The following ACVR2A variants were observed in gnomAD, a reference collection of about 807,000 sequenced individuals.
ACVR2A encodes the protein activin A receptor type 2A.
Under a neutral mutation model 61.4 loss-of-function variants are expected in ACVR2A, and 7 were observed. That is an observed-to-expected ratio of 0.11 (90% confidence interval 0.06 to 0.21). ACVR2A has a LOEUF of 0.21. ACVR2A is among the 10% of genes least tolerant of loss of function. The pLI is 1.00. For synonymous variants in ACVR2A, 193 were observed against 208.3 expected (o/e 0.93, Z 0.63); for missense variants, 322 against 621.7 (o/e 0.52, Z 5.13).
intron 1 of ACVR2A, chr2:147,877,417 G>A (rs1375492563): frequency 6.6e-6 from 1 of 152,068 alleles, no homozygotes; most frequent in Non-Finnish European, 1.5e-5. Flanking sequence ...TAAAACATAA[G>A]CAAGGTGCTT....
chr2:147,877,153 C>T (rs530155356), intron 1 of ACVR2A, among the ~76,000 whole-genome samples: 1 of 152,174 alleles, frequency 6.6e-6, no homozygotes, highest in East Asian at 1.9e-4. Flanking sequence ...GAGAAAAGTG[C>T]CCTATTATTT....
chr2:147,900,674 G>A (rs915106083), intron 4 of ACVR2A: 1 of 151,924 alleles, frequency 6.6e-6, no homozygotes, highest in Non-Finnish European at 1.5e-5. Flanking sequence ...GTATTCTACA[G>A]GTCTACGAAA....
At chr2:147,913,822 C>CAAA (rs575237522) in intron 4 of ACVR2A, among the ~76,000 whole-genome samples, 4 of 61,798 alleles carry the variant, frequency 6.5e-5, no homozygotes, top group African/African-American at 8.0e-5. Context: ...AACTTGTAGA[C>CAAA]AAAAAAAAAA....
In ACVR2A at chr2:147,927,375, A is replaced by G. The variant is rs939919235; in HGVS notation, c.*101A>G. 1.9e-5 allele frequency: 22 copies of G among 1,151,848 alleles called. No individual in the cohort carries two copies. The African/African-American group carries it at 3.4e-4, about 18-fold the overall frequency. The allele number at this position is 1,151,848 out of a possible 1,614,324, so 71.4% of individuals were successfully genotyped here. ...TTATTTTCTGTGTAAAATGAGTAGGATGTCTCTTGGAAATGTTAAGAAAGA... is the reference window on the plus strand; with the variant it reads ...TTATTTTCTGTGTAAAATGAGTAGGGTGTCTCTTGGAAATGTTAAGAAAGA... On this transcript the variant is annotated 3_prime_UTR_variant, in exon 11 of 11. Transcript: ENST00000241416.
chr2:147,892,645 A>C (rs187399848), intron 1 of ACVR2A, among the ~76,000 whole-genome samples: 11 of 151,696 alleles, frequency 7.3e-5, no homozygotes. Context: ...CAAAACAAAA[A>C]ATTAGTAAAA....
intron 4 of ACVR2A, among the ~76,000 whole-genome samples, chr2:147,911,127 A>G (rs1325181224): frequency 1.3e-5 from 2 of 152,140 alleles, no homozygotes; most frequent in African/African-American, 2.4e-5. Context: ...GCTAAAGGCA[A>G]TACTGCCCTC....
chr2:147,929,542 A>AACTT lies in ACVR2A; in HGVS notation c.*2269_*2272dup, dbSNP rs774513213. ...TTTAACTGTAGCTAACCAATTTTAA[A>AACTT]ACTTGTATTCTTTTGAGAACTATTA... is the stretch of plus-strand genomic sequence containing the variant. On this transcript the variant is annotated 3_prime_UTR_variant, in exon 11 of 11. Coordinates refer to ENST00000241416, the MANE Select transcript of ACVR2A (RefSeq NM_001616.5). 6.6e-5 allele frequency: 10 copies of AACTT among 152,414 alleles called. No homozygotes were observed. The highest frequency in any genetic ancestry group is 1.2e-4 in the Non-Finnish European group (8 of 67,966). The allele number at this position is 152,414 out of a possible 1,614,324, so 9.4% of individuals were successfully genotyped here. A position where few individuals can be genotyped will look rare whatever the true frequency, so the allele number is the denominator to read the frequency against.
intron 1 of ACVR2A, among the ~76,000 whole-genome samples, chr2:147,885,835 A>G (rs917299910): frequency 6.6e-6 from 1 of 152,158 alleles, no homozygotes; most frequent in African/African-American, 2.4e-5. Context: ...TAATAAAAGT[A>G]TATATTGGAC....
intron 1 of ACVR2A, among the ~76,000 whole-genome samples, chr2:147,893,696 A>T (rs951091727): frequency 2.0e-5 from 3 of 152,148 alleles, no homozygotes; most frequent in African/African-American, 7.2e-5. Flanking sequence ...GACCTATTTG[A>T]ATCTTTTGCC....
intron 1 of ACVR2A, among the ~76,000 whole-genome samples, chr2:147,883,541 A>G (rs1036323258): frequency 6.6e-6 from 1 of 152,170 alleles, no homozygotes; most frequent in African/African-American, 2.4e-5. Flanking sequence ...AAAGTAATAA[A>G]CAAGACATTG....
At chr2:147,856,790 TG>T (rs1341649494) in intron 1 of ACVR2A, among the ~76,000 whole-genome samples, 9 of 152,308 alleles carry the variant, frequency 5.9e-5, no homozygotes. Context: ...GAAAAATGGT[TG>T]AATAGCCACT....
At chr2:147,864,375 G>A (rs1163515139) in intron 1 of ACVR2A, among the ~76,000 whole-genome samples, 3 of 151,896 alleles carry the variant, frequency 2.0e-5, no homozygotes, top group African/African-American at 4.8e-5. Flanking sequence ...GATTACATGC[G>A]CGCTCTACAA....
intron 1 of ACVR2A, among the ~76,000 whole-genome samples, chr2:147,895,853 T>C (rs1256235557): frequency 6.6e-6 from 1 of 152,172 alleles, no homozygotes; most frequent in Non-Finnish European, 1.5e-5. Flanking sequence ...GGGAAAGTTT[T>C]TGGGGAGTCA....
At chr2:147,918,972 A>G (rs1388844429) in intron 7 of ACVR2A, among the ~76,000 whole-genome samples, 3 of 152,080 alleles carry the variant, frequency 2.0e-5, no homozygotes, top group African/African-American at 7.2e-5. Flanking sequence ...TGTTTTTTGA[A>G]TGACCTTATC....
At chr2:147,918,653 C>T (rs941155519) in intron 7 of ACVR2A, 61 bp downstream of exon 7, 4 of 1,420,110 alleles carry the variant, frequency 2.8e-6, no homozygotes, top group Non-Finnish European at 2.8e-6. Flanking sequence ...AACTTTTAAG[C>T]CCCTGGGTAA....
intron 8 of ACVR2A, 65 bp from the exon 9 acceptor site, chr2:147,922,908 C>G: frequency 6.5e-7 from 1 of 1,548,450 alleles, no homozygotes; most frequent in Non-Finnish European, 8.8e-7. Flanking sequence ...ATTCATCTTA[C>G]AAAATCATAT....
In ACVR2A at chr2:147,852,335, T is replaced by G. The variant is rs534623547; in HGVS notation, c.55+7128T>G. 3.9e-5 allele frequency among the ~76,000 whole-genome samples: 6 copies of G among 152,190 alleles called. 1 individual carries two copies. The South Asian group carries it at 1.2e-3, about 32-fold the overall frequency. On this transcript the variant is annotated intron_variant, in intron 1 of 10. Coordinates refer to ENST00000241416, the MANE Select transcript of ACVR2A (RefSeq NM_001616.5). ...ACACTTATGTATTTTTATATTACAT[T>G]TCATTTAAAAAACATTGATCGTGAC...
intron 1 of ACVR2A, among the ~76,000 whole-genome samples, chr2:147,877,919 T>G (rs1686200616): frequency 6.6e-6 from 1 of 152,226 alleles, no homozygotes; most frequent in Non-Finnish European, 1.5e-5. Flanking sequence ...GCTTTAAACT[T>G]TACATTTATC....
chr2:147,876,915 A>G (rs558712739), intron 1 of ACVR2A, among the ~76,000 whole-genome samples: 1 of 152,088 alleles, frequency 6.6e-6, no homozygotes, highest in Middle Eastern at 3.2e-3. Flanking sequence ...TGTCTTCTAT[A>G]TGTTGCTCCT....
Sources: allele counts gnomAD v4.1 joint callset (sites outside exome capture counted in the v4.1 genomes callset), GRCh38; gene constraint gnomAD v4.1.1; transcripts MANE v1.5; gene names NCBI Gene and HGNC (gene_info 2026-07-23, HGNC 2026-07-21).